Variants in ANK3 observed in about 807,000 individuals in gnomAD.
The protein encoded by ANK3 is ankyrin-3.
Under a neutral mutation model 370.9 loss-of-function variants are expected in ANK3, and 57 were observed. The ratio of observed to expected loss-of-function variants is 0.15; its 90% CI spans 0.12 to 0.19. The LOEUF is 0.19. Among genes scored for constraint, ANK3 ranks in the 10% least tolerant of loss-of-function variants. The probability of loss-of-function intolerance (pLI) is 1.00; values close to 1 mark genes in which losing one functional copy is unlikely to be tolerated. For missense variants in ANK3, 4,439 were observed against 5,302.1 expected, an observed-to-expected ratio of 0.84 and a Z score of 5.06; for synonymous variants, 1,929 against 1,946.3, an observed-to-expected ratio of 0.99 and a Z score of 0.23.
intron 25 of ANK3, among the ~76,000 whole-genome samples, chr10:60,127,461 C>A (rs1226783726): frequency 6.6e-6 from 1 of 152,118 alleles, no homozygotes; most frequent in Non-Finnish European, 1.5e-5. Flanking sequence ...TGCTTTTCTC[C>A]CATCTTTGAA....
rs576543207 is a variant in ANK3, at chr10:60,070,464, C to A, written c.10417G>T (p.Val3473Leu). ...GGTGGCTTGTCCTCATCTGGTCCCA[C>A]CTTTCCCTCCTCCTCGATAACTTCA... ...KLEVIEEEGKVGPDEDKPPSK... is the reference protein window; with the variant it reads ...KLEVIEEEGKLGPDEDKPPSK... The change falls in exon 37 of 44, where the codon GTG becomes TTG. Residue 3473 changes from valine to leucine, a missense_variant. By Grantham distance (32) the Val-to-Leu change is conservative (BLOSUM62 1). Around this residue, in one of 13 missense-constraint regions of ANK3, gnomAD observed 1,601 missense variants for 1,731.7 expected, o/e 0.92. Transcript: ENST00000280772. The surrounding 1 kb of genome is among the most constrained non-coding windows in gnomAD (Gnocchi z 5.7). The A allele has an allele frequency of 1.2e-6, 2 of 1,614,160 alleles. No homozygotes were observed. The highest frequency in any genetic ancestry group is 2.2e-5 in the South Asian group (2 of 91,084).
chr10:60,390,539 T>C (rs150581537), upstream of ANK3, among the ~76,000 whole-genome samples: 23 of 152,216 alleles, frequency 1.5e-4, no homozygotes, highest in Admixed American at 7.8e-4. Context: ...ATTCATTATG[T>C]GAAGTGAAGC....
chr10:60,075,559 T>C lies in ANK3; in HGVS notation c.5322A>G (p.Pro1774=), dbSNP rs2083600099. Residue 1774 remains proline, a synonymous_variant, in exon 37 of 44, where the codon CCA becomes CCG. Coordinates refer to ENST00000280772, the MANE Select transcript of ANK3 (RefSeq NM_020987.5). The part of the protein sequence containing the change: ...EKVFSTTTAM[P]FSPLRSYVSA... ...AAACATATGACCTGAGTGGGGAAAA[T>C]GGCATTGCAGTCGTGGTAGAAAACA... 1.9e-6 allele frequency: 3 copies of C among 1,613,984 alleles called. No homozygotes were observed. Among genetic ancestry groups the C allele is most frequent in the East Asian group, 2.2e-5 (1 of 44,874 alleles).
intron 2 of ANK3, among the ~76,000 whole-genome samples, chr10:60,438,377 T>C (rs1260569290): frequency 6.6e-6 from 1 of 152,176 alleles, no homozygotes; most frequent in Non-Finnish European, 1.5e-5. Context: ...TAGGCCTACA[T>C]TGAAAGGATG....
chr10:60,506,536 G>A (rs2075946195), intron 2 of ANK3, among the ~76,000 whole-genome samples: 1 of 152,060 alleles, frequency 6.6e-6, no homozygotes, highest in Admixed American at 6.6e-5. Context: ...GGCTTCTGAA[G>A]AACCTCCAGT....
chr10:60,460,788 C>G (rs559598186), intron 2 of ANK3, among the ~76,000 whole-genome samples: 110 of 152,120 alleles, frequency 7.2e-4, no homozygotes, highest in African/African-American at 2.5e-3. Flanking sequence ...CAGACAGAAC[C>G]ATAAATTTAA....
chr10:60,391,978 C>T (rs1463557500), upstream of ANK3, among the ~76,000 whole-genome samples: 1 of 152,178 alleles, frequency 6.6e-6, no homozygotes, highest in Non-Finnish European at 1.5e-5. Flanking sequence ...ACTTTTTTAA[C>T]AGAAAATGTG....
intron 23 of ANK3, among the ~76,000 whole-genome samples, chr10:60,144,974 T>C (rs1297101051): frequency 6.6e-6 from 1 of 152,216 alleles, no homozygotes; most frequent in Non-Finnish European, 1.5e-5. Context: ...CCCCACCCGA[T>C]GTACTTTTCT....
At chr10:60,238,615 T>C (rs1235200081) in intron 7 of ANK3, among the ~76,000 whole-genome samples, 1 of 152,074 alleles carries the variant, frequency 6.6e-6, no homozygotes, top group Non-Finnish European at 1.5e-5. Context: ...GGAGACCTCC[T>C]CTGTGCTGCA....
At chr10:60,091,548 G>C (rs975945939) in intron 28 of ANK3, among the ~76,000 whole-genome samples, 2 of 151,502 alleles carry the variant, frequency 1.3e-5, no homozygotes, top group African/African-American at 2.4e-5. Context: ...TGGGAGGAGA[G>C]TTTCTCGTTT....
chr10:60,630,145 G>A (rs2078462501), intron 1 of ANK3, among the ~76,000 whole-genome samples: 1 of 152,026 alleles, frequency 6.6e-6, no homozygotes, highest in South Asian at 2.1e-4. Flanking sequence ...TAATCTGAGT[G>A]TCAGTTTCTT....
intron 25 of ANK3, among the ~76,000 whole-genome samples, chr10:60,121,669 TGA>T (rs796136746): frequency 1.4e-4 from 19 of 139,172 alleles, no homozygotes; most frequent in African/African-American, 4.6e-4. Flanking sequence ...CCAGTCTAGG[TGA>T]GAGGGCCAGA....
intron 1 of ANK3, among the ~76,000 whole-genome samples, chr10:60,364,761 CTAATG>C (rs1441542090): frequency 2.0e-5 from 3 of 151,646 alleles, no homozygotes; most frequent in African/African-American, 7.3e-5. Flanking sequence ...AAACTGTTTC[CTAATG>C]TAATGAGAAA....
At chr10:60,358,723 G>A (rs778017300) in intron 1 of ANK3, among the ~76,000 whole-genome samples, 39 of 152,164 alleles carry the variant, frequency 2.6e-4, no homozygotes, top group Non-Finnish European at 5.6e-4. Flanking sequence ...TTCACCTGCT[G>A]CCATTCTTTC....
chr10:60,057,115 T>C (rs1388959975), intron 41 of ANK3, among the ~76,000 whole-genome samples: 1 of 152,212 alleles, frequency 6.6e-6, no homozygotes, highest in African/African-American at 2.4e-5. Flanking sequence ...ATCCTGCCGT[T>C]ACTTTTCCAA....
chr10:60,286,874 G>GT (rs928054426), intron 1 of ANK3, among the ~76,000 whole-genome samples: 1 of 152,148 alleles, frequency 6.6e-6, no homozygotes. Flanking sequence ...TTGGCTTGAG[G>GT]TTTTTTGTTT....
At position 60,349,901 on chromosome 10, in the gene ANK3, A is replaced by G. The variant is rs574117300; in HGVS notation, c.114+39524T>C. On this transcript the variant is annotated intron_variant, in intron 1 of 43. Coordinates refer to ENST00000280772, the MANE Select transcript of ANK3 (RefSeq NM_020987.5). Reference sequence around the variant, plus strand: ...ACAGTAAGACAAGAAAATAGCAGGGAAAGACCATAAAGTAACGGACTTGTC... The same window carrying G: ...ACAGTAAGACAAGAAAATAGCAGGGGAAGACCATAAAGTAACGGACTTGTC... Among the ~76,000 whole-genome samples, 11 of 152,338 alleles carry G rather than the reference A, an allele frequency of 7.2e-5. 1 individual carries two copies. The South Asian group carries it at 2.1e-3, about 29-fold the overall frequency.
chr10:60,548,165 T>C (rs1197056194), intron 2 of ANK3, among the ~76,000 whole-genome samples: 2 of 151,792 alleles, frequency 1.3e-5, no homozygotes, highest in African/African-American at 4.8e-5. Context: ...ATACCTGTCT[T>C]ATATAATCAA....
rs770734926 is a variant in ANK3, at chr10:60,263,930, G to T, written c.604C>A (p.Arg202Ser). The change falls in exon 6 of 44, where the codon CGT (arginine) becomes AGT (serine). Residue 202 changes from arginine to serine, a missense_variant. Arg to Ser is a moderately radical substitution (Grantham distance 110). This residue lies in a region of ANK3 where 136 missense variants were observed against 230.5 expected (regional missense o/e 0.59). Transcript: ENST00000280772. ...GCCGCGATATGAAGAGCTGGGAGAC[G>T]CACTTTTCCTTTGGTGTCATTCTCT... ...LLENDTKGKV[R>S]LPALHIAARK... 4 of 1,614,106 alleles carry T rather than the reference G, an allele frequency of 2.5e-6. No homozygotes were observed. The South Asian group carries it at 4.4e-5, about 18-fold the overall frequency.
Sources: gnomAD v4.1 joint callset for allele counts (sites outside exome capture counted in the v4.1 genomes callset) on GRCh38, gnomAD v4.1.1 for gene constraint, gnomAD v4.1.1 regional missense constraint, Gnocchi (gnomAD v3.1) non-coding constraint, MANE v1.5 for transcripts, NCBI Gene and HGNC (gene_info 2026-07-23, HGNC 2026-07-21) for gene names.